Variants in CTNNAL1 observed in about 807,000 individuals in gnomAD.
The protein encoded by CTNNAL1 is catenin alpha like 1, also known as alpha-catulin.
A neutral mutation model predicts 93.6 loss-of-function variants in CTNNAL1; 69 were observed. The observed-to-expected ratio is 0.74, with a 90% CI of 0.61 to 0.90. The LOEUF is 0.90. Ranked by LOEUF, CTNNAL1 falls within the 40% of genes least tolerant of loss-of-function variation. The pLI is 0.00. For synonymous variants in CTNNAL1, 286 were observed against 305.4 expected (o/e 0.94, Z 0.66); for missense variants, 836 against 862.0 (o/e 0.97, Z 0.38).
In CTNNAL1 at chr9:108,999,053, C is replaced by A; in HGVS notation, c.331+14G>T. Reference sequence around the variant, plus strand: ...AAGTGGTATGAATAGTCTTCAAAATCAATATCCACCTACCTGCTTGTTTAG... The same window carrying A: ...AAGTGGTATGAATAGTCTTCAAAATAAATATCCACCTACCTGCTTGTTTAG... On this transcript the variant is annotated intron_variant, in intron 2 of 18. Coordinates refer to ENST00000325551, the MANE Select transcript of CTNNAL1 (RefSeq NM_003798.4). 1.9e-6 allele frequency: 3 copies of A among 1,586,544 alleles called. No homozygotes were observed. The highest frequency in any genetic ancestry group is 1.2e-5 in the South Asian group (1 of 85,304).
intron 1 of CTNNAL1, among the ~76,000 whole-genome samples, chr9:109,001,736 C>A (rs1270712129): frequency 6.6e-6 from 1 of 152,166 alleles, no homozygotes; most frequent in African/African-American, 2.4e-5. Context: ...TTCTCCAGCC[C>A]CAGTCAAGCC....
At chr9:109,006,370 T>G (rs1213857065) in intron 1 of CTNNAL1, among the ~76,000 whole-genome samples, 4 of 152,222 alleles carry the variant, frequency 2.6e-5, no homozygotes, top group Non-Finnish European at 5.9e-5. Context: ...TACCCTAATT[T>G]TACAGATACA....
intron 10 of CTNNAL1, among the ~76,000 whole-genome samples, chr9:108,970,186 A>G (rs1308141505): frequency 6.6e-6 from 1 of 152,254 alleles, no homozygotes; most frequent in East Asian, 1.9e-4. Context: ...CTAGAGTATT[A>G]ATTAAATGAA....
intron 4 of CTNNAL1, among the ~76,000 whole-genome samples, chr9:108,989,742 G>A (rs1831728490): frequency 6.6e-6 from 1 of 152,162 alleles, no homozygotes; most frequent in African/African-American, 2.4e-5. Context: ...CTGAATTGGG[G>A]AACAGACCCA....
chr9:108,983,571 G>GA (rs1333618928), intron 5 of CTNNAL1, among the ~76,000 whole-genome samples: 1 of 152,018 alleles, frequency 6.6e-6, no homozygotes, highest in Non-Finnish European at 1.5e-5. Context: ...AATTTTTTAG[G>GA]AAAAAATCTC....
chr9:108,997,903 C>A (rs557456286), intron 2 of CTNNAL1, among the ~76,000 whole-genome samples: 1 of 152,310 alleles, frequency 6.6e-6, no homozygotes, highest in Non-Finnish European at 1.5e-5. Context: ...CATCCTCACA[C>A]CCCCTAAAAT....
intron 1 of CTNNAL1, among the ~76,000 whole-genome samples, chr9:109,009,303 C>A (rs553282081): frequency 0.08 from 1,335 of 16,762 alleles, 10 homozygotes; most frequent in Admixed American, 0.093. Flanking sequence ...AAGATACTGC[C>A]CTATTTTTTT....
chr9:108,966,240 G>A (rs933027672), intron 10 of CTNNAL1, among the ~76,000 whole-genome samples: 9 of 152,102 alleles, frequency 5.9e-5, no homozygotes, highest in Admixed American at 2.6e-4. Context: ...CAAAACACTT[G>A]TAAAGAGGGC....
At chr9:108,953,732 T>G (rs1017826818) in intron 12 of CTNNAL1, among the ~76,000 whole-genome samples, 1 of 152,204 alleles carries the variant, frequency 6.6e-6, no homozygotes, top group African/African-American at 2.4e-5. Flanking sequence ...TTTGAGATTT[T>G]CTAATGATGT....
At chr9:109,007,940 G>T (rs1827083128) in intron 1 of CTNNAL1, among the ~76,000 whole-genome samples, 2 of 151,902 alleles carry the variant, frequency 1.3e-5, no homozygotes, top group Admixed American at 1.3e-4. Context: ...ATCTGGTATT[G>T]AACCTTTATT....
chr9:108,986,872 G>T (rs968017681), intron 4 of CTNNAL1, among the ~76,000 whole-genome samples: 2 of 152,108 alleles, frequency 1.3e-5, no homozygotes, highest in Admixed American at 6.6e-5. Flanking sequence ...TTTTGATGGG[G>T]TTGTTTGTTT....
chr9:109,006,930 A>T (rs1827045049), intron 1 of CTNNAL1, among the ~76,000 whole-genome samples: 1 of 152,054 alleles, frequency 6.6e-6, no homozygotes, highest in Non-Finnish European at 1.5e-5. Context: ...TAATAATTGT[A>T]CCCATCAGCC....
intron 3 of CTNNAL1, among the ~76,000 whole-genome samples, chr9:108,991,549 AAC>A (rs1173451738): frequency 3.3e-5 from 5 of 152,232 alleles, no homozygotes; most frequent in African/African-American, 1.2e-4. Context: ...GTTAAAAAAA[AAC>A]ACAGATATCC....
At chr9:108,971,144 C>G (rs979137199) in intron 9 of CTNNAL1, among the ~76,000 whole-genome samples, 2 of 152,050 alleles carry the variant, frequency 1.3e-5, no homozygotes, top group African/African-American at 4.8e-5. Flanking sequence ...AATGAAGAAG[C>G]TATATCTACA....
At chr9:108,989,258 C>T (rs979824147) in intron 4 of CTNNAL1, among the ~76,000 whole-genome samples, 3 of 152,044 alleles carry the variant, frequency 2.0e-5, no homozygotes, top group Non-Finnish European at 2.9e-5. Flanking sequence ...ACTCATGCCA[C>T]GCTTGCTCAA....
chr9:108,948,339 T>G (rs1830464809), intron 14 of CTNNAL1, 105 bp from the exon 15 acceptor site: 3 of 1,049,252 alleles, frequency 2.9e-6, no homozygotes, highest in Non-Finnish European at 2.7e-6. Context: ...AAATCCTAAA[T>G]TTTGAAGAAT....
chr9:108,987,244 T>C (rs1191570426), intron 4 of CTNNAL1, among the ~76,000 whole-genome samples: 1 of 151,966 alleles, frequency 6.6e-6, no homozygotes, highest in Non-Finnish European at 1.5e-5. Flanking sequence ...GCTTTCTACA[T>C]ATGGCTAGCC....
chr9:108,987,205 A>G (rs1367396590), intron 4 of CTNNAL1, among the ~76,000 whole-genome samples: 1 of 152,036 alleles, frequency 6.6e-6, no homozygotes, highest in Non-Finnish European at 1.5e-5. Context: ...TAATTTTTGT[A>G]TAAGGTGTAA....
intron 4 of CTNNAL1, among the ~76,000 whole-genome samples, chr9:108,988,699 T>C (rs1455711139): frequency 6.6e-6 from 1 of 152,318 alleles, no homozygotes. Context: ...TCGTGTTCTT[T>C]GAACACACCA....
Sources: gnomAD v4.1 joint callset for allele counts (sites outside exome capture counted in the v4.1 genomes callset) on GRCh38, gnomAD v4.1.1 for gene constraint, MANE v1.5 for transcripts, NCBI Gene and HGNC (gene_info 2026-07-23, HGNC 2026-07-21) for gene names.